Variants in LRP1B observed in about 807,000 individuals in gnomAD.
LRP1B encodes the protein LDL receptor related protein 1B.
Under a neutral mutation model 556.6 loss-of-function variants are expected in LRP1B, and 217 were observed. That is an observed-to-expected ratio of 0.39 (90% CI 0.35 to 0.44). The LOEUF is 0.44. LRP1B is among the 20% of genes least tolerant of loss of function. LRP1B has a pLI of 1.00. For synonymous variants in LRP1B, 2,047 were observed against 1,865.8 expected (o/e 1.10, Z -2.50); for missense variants, 5,053 against 5,620.8 (o/e 0.90, Z 3.23).
At chr2:140,326,129 CTG>C (rs1680463757) in intron 79 of LRP1B, among the ~76,000 whole-genome samples, 1 of 152,092 alleles carries the variant, frequency 6.6e-6, no homozygotes, top group South Asian at 2.1e-4. Context: ...ATAGGAAAGT[CTG>C]TCCTAAATAT....
chr2:140,859,447 G>A (rs75082448), intron 27 of LRP1B, among the ~76,000 whole-genome samples: 1,606 of 152,036 alleles, frequency 0.011, 23 homozygotes, highest in African/African-American at 0.032. Context: ...TCTTATAGAT[G>A]TTGTCAAGAA....
chr2:141,107,294 T>A (rs1185566058), intron 7 of LRP1B, among the ~76,000 whole-genome samples: 1 of 152,134 alleles, frequency 6.6e-6, no homozygotes, highest in Non-Finnish European at 1.5e-5. Context: ...CACTATATAA[T>A]TTTCAAAACA....
intron 6 of LRP1B, among the ~76,000 whole-genome samples, chr2:141,194,217 T>C (rs537206061): frequency 6.6e-6 from 1 of 152,254 alleles, no homozygotes. Flanking sequence ...CTGCTTGACA[T>C]ATGCTCTCTA....
At chr2:141,082,749 C>T (rs1699955952) in intron 7 of LRP1B, among the ~76,000 whole-genome samples, 1 of 152,046 alleles carries the variant, frequency 6.6e-6, no homozygotes, top group African/African-American at 2.4e-5. Flanking sequence ...TATAGAAATG[C>T]AATCCAATGT....
rs141835049 is a variant in LRP1B at position 141,017,336 on chromosome 2, C to T, written c.1971-1421G>A. ...TTTTCTTATATACAGTTAATCAATA[C>T]GGTTTTATTTTTGTTCATTTATAAC... is the stretch of plus-strand genomic sequence containing the variant. On this transcript the variant is annotated intron_variant, in intron 12 of 90. Coordinates refer to ENST00000389484, the MANE Select transcript of LRP1B (RefSeq NM_018557.3). Among the ~76,000 whole-genome samples the T allele has an allele frequency of 2.9e-3, 443 of 151,688 alleles. 1 individual carries two copies. The highest frequency in any genetic ancestry group is 0.01 in the African/African-American group (420 of 41,396).
chr2:140,760,295 T>C lies in LRP1B; in HGVS notation c.5758+8918A>G, dbSNP rs942304269. 1.2e-4 allele frequency among the ~76,000 whole-genome samples: 19 copies of C among 152,174 alleles called. 1 individual carries two copies. Among genetic ancestry groups the C allele is most frequent in the Admixed American group, 1.2e-3 (19 of 15,268 alleles). On this transcript the variant is annotated intron_variant, in intron 35 of 90. Transcript: ENST00000389484. ...ATTTTGGGATGGATAATACTTCATT[T>C]TGGGAAAGGAACAGGACACTAAACA...
intron 62 of LRP1B, among the ~76,000 whole-genome samples, chr2:140,454,509 T>C (rs1042899123): frequency 3.3e-5 from 5 of 152,164 alleles, no homozygotes; most frequent in Admixed American, 6.6e-5. Flanking sequence ...TTTTTTGTTG[T>C]TTTCAGAAGT....
chr2:140,637,594 C>T (rs1213832709), intron 41 of LRP1B, among the ~76,000 whole-genome samples: 2 of 151,852 alleles, frequency 1.3e-5, no homozygotes, highest in Non-Finnish European at 2.9e-5. Flanking sequence ...CCTAAATTGG[C>T]TATATATAAC....
chr2:142,034,380 G>T (rs1389744480), intron 1 of LRP1B, among the ~76,000 whole-genome samples: 1 of 151,542 alleles, frequency 6.6e-6, no homozygotes, highest in Non-Finnish European at 1.5e-5. Flanking sequence ...AGCTATAGTT[G>T]TGTACTGATC....
chr2:140,291,457 T>C (rs1310081628), intron 84 of LRP1B, among the ~76,000 whole-genome samples: 1 of 151,230 alleles, frequency 6.6e-6, no homozygotes, highest in East Asian at 2.0e-4. Context: ...CTATCCCTCC[T>C]CACTCCCCCC....
At chr2:141,381,632 A>G (rs1449635348) in intron 3 of LRP1B, among the ~76,000 whole-genome samples, 1 of 152,088 alleles carries the variant, frequency 6.6e-6, no homozygotes, top group Non-Finnish European at 1.5e-5. Context: ...AAAAAAATAG[A>G]AAGCAATAAG....
At chr2:140,667,167 C>T (rs978056366) in intron 41 of LRP1B, among the ~76,000 whole-genome samples, 2 of 152,148 alleles carry the variant, frequency 1.3e-5, no homozygotes, top group Admixed American at 1.3e-4. Context: ...GTTGTCCTCA[C>T]TGTTACCTCC....
intron 66 of LRP1B, among the ~76,000 whole-genome samples, chr2:140,416,187 T>A (rs551789821): frequency 6.6e-6 from 1 of 152,202 alleles, no homozygotes; most frequent in Non-Finnish European, 1.5e-5. Flanking sequence ...AGATTCTCAA[T>A]GTGAACCCTA....
In LRP1B at chr2:142,130,821, C is replaced by G; in HGVS notation, c.-92G>C. ...GGCGGCGGCAGGGGCCGCTTGGAGCCTGGAATCGAGCGGCGTCATTTACAA... is the reference window on the plus strand; with the variant it reads ...GGCGGCGGCAGGGGCCGCTTGGAGCGTGGAATCGAGCGGCGTCATTTACAA... On this transcript the variant is annotated 5_prime_UTR_variant, in exon 1 of 91. Coordinates refer to ENST00000389484, the MANE Select transcript of LRP1B (RefSeq NM_018557.3). 1.0e-6 allele frequency: 1 copy of G among 970,228 alleles called. No individual in the cohort carries two copies. Among genetic ancestry groups the G allele is most frequent in the Non-Finnish European group, 1.6e-6 (1 of 617,360 alleles). 60.1% of individuals were successfully genotyped at this position (970,228 alleles called of 1,614,324 possible). A position where few individuals can be genotyped will look rare whatever the true frequency, so the allele number is the denominator to read the frequency against.
intron 27 of LRP1B, among the ~76,000 whole-genome samples, chr2:140,860,382 C>T (rs1028926158): frequency 6.6e-6 from 1 of 152,078 alleles, no homozygotes; most frequent in Admixed American, 6.6e-5. Context: ...AAAAGGAAGT[C>T]ATATTATTAT....
At chr2:141,818,612 A>G (rs560264439) in intron 1 of LRP1B, among the ~76,000 whole-genome samples, 3 of 137,804 alleles carry the variant, frequency 2.2e-5, no homozygotes, top group Non-Finnish European at 3.0e-5. Flanking sequence ...TCTTGGCTCA[A>G]TGCAACCTCT....
intron 35 of LRP1B, among the ~76,000 whole-genome samples, chr2:140,730,810 G>T (rs1159222567): frequency 6.6e-6 from 1 of 152,148 alleles, no homozygotes; most frequent in Non-Finnish European, 1.5e-5. Flanking sequence ...GCCTGCCTCG[G>T]CCTCCCAAAT....
chr2:140,337,992 G>T (rs1053878165), intron 77 of LRP1B, among the ~76,000 whole-genome samples: 1 of 151,540 alleles, frequency 6.6e-6, no homozygotes. Context: ...GGCTGGTGAA[G>T]ATTTTACTAA....
intron 2 of LRP1B, among the ~76,000 whole-genome samples, chr2:141,793,844 TC>T (rs1695708804): frequency 6.6e-6 from 1 of 151,910 alleles, no homozygotes; most frequent in South Asian, 2.1e-4. Flanking sequence ...CTCTTCATTT[TC>T]TTTTTTATCT....
Sources: allele counts gnomAD v4.1 joint callset (sites outside exome capture counted in the v4.1 genomes callset), GRCh38; gene constraint gnomAD v4.1.1; transcripts MANE v1.5; gene names NCBI Gene and HGNC (gene_info 2026-07-23, HGNC 2026-07-21).